TPST1: variants seen among roughly 807,000 people sequenced by gnomAD.
TPST1 encodes protein-tyrosine sulfotransferase 1.
A neutral mutation model predicts 34.8 loss-of-function variants in TPST1; 20 were observed. That is an observed-to-expected ratio of 0.57 (90% CI 0.40 to 0.84). TPST1 has a LOEUF of 0.84. TPST1 is among the 40% of genes least tolerant of loss of function. The pLI is 0.00. For missense variants in TPST1, 353 were observed against 455.5 expected, an observed-to-expected ratio of 0.78 and a Z score of 2.05; for synonymous variants, 152 against 159.4, an observed-to-expected ratio of 0.95 and a Z score of 0.35.
chr7:66,258,558 G>A (rs1790425018), intron 2 of TPST1, among the ~76,000 whole-genome samples: 1 of 152,132 alleles, frequency 6.6e-6, no homozygotes, highest in African/African-American at 2.4e-5. Flanking sequence ...AAAATTACGG[G>A]AAACCCTTTC....
intron 3 of TPST1, among the ~76,000 whole-genome samples, chr7:66,310,977 G>A (rs1362442440): frequency 6.6e-6 from 1 of 151,634 alleles, no homozygotes; most frequent in African/African-American, 2.4e-5. Context: ...AGGCATATAG[G>A]CATGAGCCAC....
intron 1 of TPST1, among the ~76,000 whole-genome samples, chr7:66,222,402 T>A (rs1308620839): frequency 2.0e-5 from 3 of 151,194 alleles, no homozygotes; most frequent in South Asian, 2.1e-4. Context: ...AAAAAAAAAA[T>A]TTCCTTGCTT....
At chr7:66,324,703 G>A (rs1057048219) in intron 3 of TPST1, among the ~76,000 whole-genome samples, 5 of 149,870 alleles carry the variant, frequency 3.3e-5, no homozygotes, top group Admixed American at 6.8e-5. Context: ...GGAGGCTGAG[G>A]AAGGAGAATT....
At chr7:66,317,416 A>G (rs1478711626) in intron 3 of TPST1, among the ~76,000 whole-genome samples, 2 of 152,154 alleles carry the variant, frequency 1.3e-5, no homozygotes, top group African/African-American at 4.8e-5. Flanking sequence ...TTTTGAAAAA[A>G]TTGTTGTTTA....
rs369284088 is a variant in TPST1, at chr7:66,278,592, A to G, written c.846-7919A>G. On this transcript the variant is annotated intron_variant, in intron 2 of 5. Coordinates refer to ENST00000304842, the MANE Select transcript of TPST1 (RefSeq NM_003596.4). ...GAGGTCAGGAGATTGAGACCATCCT[A>G]GCTAACACGGTGAAACCCCATTTCT... Among the ~76,000 whole-genome samples, 262 of 152,138 alleles carry G rather than the reference A, an allele frequency of 1.7e-3. 11 individuals carry two copies. The South Asian group carries it at 0.053, about 31-fold the overall frequency.
At chr7:66,206,702 G>C (rs1257553405) in intron 1 of TPST1, among the ~76,000 whole-genome samples, 1 of 152,086 alleles carries the variant, frequency 6.6e-6, no homozygotes, top group Non-Finnish European at 1.5e-5. Flanking sequence ...TTTTAGGAAA[G>C]AAAGAGCCCC....
Position 66,286,770 on chromosome 7 carries a change from G to GT in TPST1, c.1044+68dup, listed in dbSNP as rs1455456159. 85 of 1,266,662 alleles carry GT rather than the reference G, an allele frequency of 6.7e-5. 1 individual carries two copies. The highest frequency in any genetic ancestry group is 8.3e-5 in the Non-Finnish European group (81 of 971,348). The allele number at this position is 1,266,662 out of a possible 1,614,324, so 78.5% of individuals were successfully genotyped here. ...GATTTTGAATTTGGGATCTGAATAC[G>GT]TTTTTTTCTTATTTTATTTCTTGCT... is the stretch of plus-strand genomic sequence containing the variant. On this transcript the variant is annotated intron_variant, in intron 3 of 5. Coordinates refer to ENST00000304842, the MANE Select transcript of TPST1 (RefSeq NM_003596.4).
intron 3 of TPST1, among the ~76,000 whole-genome samples, chr7:66,348,049 T>C (rs1792391460): frequency 6.6e-6 from 1 of 152,212 alleles, no homozygotes; most frequent in Non-Finnish European, 1.5e-5. Context: ...GGTAACTCCA[T>C]GTTTCCAGTT....
chr7:66,328,208 G>C (rs534097393), intron 3 of TPST1, among the ~76,000 whole-genome samples: 64 of 151,684 alleles, frequency 4.2e-4, no homozygotes, highest in Non-Finnish European at 7.1e-4. Flanking sequence ...TGTATTTTTA[G>C]TAGAGATGGG....
chr7:66,256,563 A>C (rs1295807250), intron 2 of TPST1, among the ~76,000 whole-genome samples: 2 of 152,180 alleles, frequency 1.3e-5, no homozygotes, highest in Admixed American at 6.5e-5. Context: ...GTATATGGCT[A>C]CTTAACATGG....
chr7:66,240,922 C>CT lies in TPST1; in HGVS notation c.500dup (p.Leu167PhefsTer6). The CT allele has an allele frequency of 6.2e-7, 1 of 1,614,198 alleles. No individual in the cohort carries two copies. The highest frequency in any genetic ancestry group is 8.5e-7 in the Non-Finnish European group (1 of 1,180,034). ...AATAAAGATCCTTTTGCCCTGAAAT[C>CT]TTTAACTTACCTTTCTAGGTTATTC... is the stretch of plus-strand genomic sequence containing the variant. On this transcript the variant is annotated frameshift_variant, in exon 2 of 6. Coordinates refer to ENST00000304842, the MANE Select transcript of TPST1 (RefSeq NM_003596.4). LOFTEE classifies it high-confidence loss of function.
At chr7:66,322,936 A>T (rs1584239292) in intron 3 of TPST1, among the ~76,000 whole-genome samples, 2 of 151,168 alleles carry the variant, frequency 1.3e-5, no homozygotes, top group African/African-American at 4.9e-5. Context: ...TTTATTTTTT[A>T]TTTTTTTAAA....
chr7:66,222,823 C>G (rs1789571957), intron 1 of TPST1, among the ~76,000 whole-genome samples: 1 of 152,160 alleles, frequency 6.6e-6, no homozygotes, highest in East Asian at 1.9e-4. Context: ...TTTAAAAGCC[C>G]CTTCACATGT....
chr7:66,296,253 C>A (rs1490150545), intron 3 of TPST1, among the ~76,000 whole-genome samples: 1 of 36,494 alleles, frequency 2.7e-5, no homozygotes, highest in South Asian at 7.7e-4. Context: ...CCCTTCCCCC[C>A]CCCCTCCCCC....
intron 1 of TPST1, among the ~76,000 whole-genome samples, chr7:66,228,608 C>A (rs1789713519): frequency 6.6e-6 from 1 of 152,072 alleles, no homozygotes; most frequent in Non-Finnish European, 1.5e-5. Flanking sequence ...CTTATTGGAT[C>A]CATAAGAACA....
At chr7:66,221,307 G>A (rs922701268) in intron 1 of TPST1, among the ~76,000 whole-genome samples, 1 of 152,126 alleles carries the variant, frequency 6.6e-6, no homozygotes, top group African/African-American at 2.4e-5. Context: ...GGGAAATCAA[G>A]TAAAGGGAGA....
At position 66,315,651 on chromosome 7, in the gene TPST1, C is replaced by T. The variant is rs543782058; in HGVS notation, c.1044+28942C>T. 2.2e-4 allele frequency among the ~76,000 whole-genome samples: 33 copies of T among 152,280 alleles called. No homozygotes were observed. In the South Asian group the frequency reaches 6.8e-3, roughly 32 times the overall value. On this transcript the variant is annotated intron_variant, in intron 3 of 5. Transcript: ENST00000304842. ...CAAGAACTGAATGGAGAGTTCAGAT[C>T]ATGTTCTTAGATGGGAAGATTGAAT...
intron 3 of TPST1, among the ~76,000 whole-genome samples, chr7:66,306,043 G>A (rs1167185261): frequency 6.6e-6 from 1 of 152,096 alleles, no homozygotes; most frequent in African/African-American, 2.4e-5. Flanking sequence ...CCTGTGACTT[G>A]CTTGGAACGA....
At chr7:66,354,222 A>G (rs969905458) in intron 4 of TPST1, among the ~76,000 whole-genome samples, 4 of 152,190 alleles carry the variant, frequency 2.6e-5, no homozygotes, top group Non-Finnish European at 5.9e-5. Context: ...ATGATGTCCC[A>G]GAAACCTGGG....
Sources: gnomAD v4.1 joint callset for allele counts (sites outside exome capture counted in the v4.1 genomes callset) on GRCh38, gnomAD v4.1.1 for gene constraint, MANE v1.5 for transcripts, NCBI Gene and HGNC (gene_info 2026-07-23, HGNC 2026-07-21) for gene names.